MAGI3: variants seen among roughly 807,000 people sequenced by gnomAD.
MAGI3 encodes the protein membrane associated guanylate kinase, WW and PDZ domain containing 3, also known as membrane-associated guanylate kinase, WW and PDZ domain-containing protein 3.
MAGI3 carries 43 observed loss-of-function variants against 121.8 expected under a neutral mutation model. That is an observed-to-expected ratio of 0.35 (90% confidence interval 0.28 to 0.46). MAGI3 has a LOEUF of 0.46. Among genes scored for constraint, MAGI3 ranks in the 20% least tolerant of loss-of-function variants. The probability of loss-of-function intolerance (pLI) is 1.00; values close to 1 mark genes in which losing one functional copy is unlikely to be tolerated. For synonymous variants in MAGI3, 553 were observed against 639.3 expected (o/e 0.86, Z 2.04); for missense variants, 1,547 against 1,797.3 (o/e 0.86, Z 2.52).
rs1391860191 is a variant in MAGI3, at chr1:113,671,725, T to C, written c.2816-9T>C. 6 of 1,613,556 alleles carry C rather than the reference T, an allele frequency of 3.7e-6. No homozygotes were observed. The highest frequency in any genetic ancestry group is 5.1e-6 in the Non-Finnish European group (6 of 1,179,604). On this transcript the variant is annotated splice_polypyrimidine_tract_variant and intron_variant, in intron 16 of 20. Coordinates refer to ENST00000307546, the MANE Select transcript of MAGI3 (RefSeq NM_001142782.2). ...AATTCTTATTTCTATTGTTTTCTCATTTGAACAGAGCATCATGGTCCACCA... is the reference window on the plus strand; with the variant it reads ...AATTCTTATTTCTATTGTTTTCTCACTTGAACAGAGCATCATGGTCCACCA...
chr1:113,446,011 T>G (rs2101471834), intron 1 of MAGI3, among the ~76,000 whole-genome samples: 1 of 152,352 alleles, frequency 6.6e-6, no homozygotes, highest in Admixed American at 6.5e-5. Context: ...CAAGTATTAT[T>G]GTAACAACAG....
chr1:113,559,932 A>C (rs1465888925), intron 2 of MAGI3, among the ~76,000 whole-genome samples: 1 of 152,146 alleles, frequency 6.6e-6, no homozygotes, highest in Non-Finnish European at 1.5e-5. Flanking sequence ...ATCGTAGGAG[A>C]CTTTAACACC....
chr1:113,416,159 TATTATTATGTAATTAATGACACATATTA>T lies in MAGI3; in HGVS notation c.316+24816_316+24843del, dbSNP rs1557743996. 6.9e-5 allele frequency among the ~76,000 whole-genome samples: 7 copies of T among 101,504 alleles called. 1 individual carries two copies. Among genetic ancestry groups the T allele is most frequent in the African/African-American group, 2.2e-4 (7 of 31,278 alleles). The allele number at this position is 101,504 out of a possible 152,430, so 66.6% of individuals were successfully genotyped here. A position where few individuals can be genotyped will look rare whatever the true frequency, so the allele number is the denominator to read the frequency against. The stretch of plus-strand genomic sequence containing the variant: ...TATTAATTATGTAATTAATGACACA[TATTATTATGTAATTAATGACACATATTA>T]ATTATGTAATTAATGACACATATTA... On this transcript the variant is annotated intron_variant, in intron 1 of 20. Coordinates refer to ENST00000307546, the MANE Select transcript of MAGI3 (RefSeq NM_001142782.2).
At chr1:113,423,822 CCCTT>C (rs937525311) in intron 1 of MAGI3, among the ~76,000 whole-genome samples, 2 of 152,072 alleles carry the variant, frequency 1.3e-5, no homozygotes, top group Non-Finnish European at 2.9e-5. Context: ...CCAGGAGCCT[CCCTT>C]CCATGCTTGT....
intron 1 of MAGI3, among the ~76,000 whole-genome samples, chr1:113,455,459 A>G (rs1287184948): frequency 6.6e-6 from 1 of 151,978 alleles, no homozygotes; most frequent in Non-Finnish European, 1.5e-5. Context: ...GATACTTTCA[A>G]CTTGTCTTCC....
rs201876414 is a variant in MAGI3, at chr1:113,683,977, T to C, written c.4409T>C (p.Val1470Ala). ...GPWKVPSGNK[V>A]TGTIGMAEKR... Reference sequence around the variant, plus strand: ...TGGAAGGTTCCAAGTGGAAATAAAGTCACAGGCACTATTGGTATGGCTGAG... The same window carrying C: ...TGGAAGGTTCCAAGTGGAAATAAAGCCACAGGCACTATTGGTATGGCTGAG... The change falls in exon 21 of 21, where the codon GTC becomes GCC. Residue 1470 changes from valine (V) to alanine (A), a missense_variant. By Grantham distance (64) the Val-to-Ala change is moderately conservative. Transcript: ENST00000307546. The C allele has an allele frequency of 6.3e-7, 1 of 1,595,466 alleles. No individual in the cohort carries two copies. The highest frequency in any genetic ancestry group is 8.5e-7 in the Non-Finnish European group (1 of 1,173,366).
intron 1 of MAGI3, among the ~76,000 whole-genome samples, chr1:113,519,935 G>T (rs957058575): frequency 6.6e-6 from 1 of 152,212 alleles, no homozygotes; most frequent in Non-Finnish European, 1.5e-5. Flanking sequence ...GGCTAATCTT[G>T]CAAGGAAGCT....
At chr1:113,447,147 CT>C (rs1654214888) in intron 1 of MAGI3, among the ~76,000 whole-genome samples, 2 of 152,130 alleles carry the variant, frequency 1.3e-5, no homozygotes, top group Non-Finnish European at 2.9e-5. Flanking sequence ...AATATGTTAA[CT>C]TTATGTTATG....
Position 113,673,359 on chromosome 1 carries a change from C to T in MAGI3, c.3083C>T (p.Pro1028Leu). Residue 1028 changes from proline to leucine, a missense_variant, in exon 19 of 21, where the codon CCC (proline) becomes CTC (leucine). By Grantham distance (98) the Pro-to-Leu change is moderately conservative. Coordinates refer to ENST00000307546, the MANE Select transcript of MAGI3 (RefSeq NM_001142782.2). ...TATCCAGTAGAGCTGGAGAGAGGCCCCCGGGGCTTTGGATTCAGCCTCCGA... is the reference window on the plus strand; with the variant it reads ...TATCCAGTAGAGCTGGAGAGAGGCCTCCGGGGCTTTGGATTCAGCCTCCGA... The part of the protein sequence containing the change: ...GCYPVELERG[P>L]RGFGFSLRGG... The T allele has an allele frequency of 1.2e-6, 2 of 1,611,632 alleles. No homozygotes were observed. The highest frequency in any genetic ancestry group is 1.7e-5 in the Admixed American group (1 of 59,440).
intron 16 of MAGI3, among the ~76,000 whole-genome samples, chr1:113,669,261 A>G (rs576799167): frequency 3.3e-5 from 5 of 152,362 alleles, no homozygotes; most frequent in African/African-American, 9.6e-5. Context: ...GGAAGAACTT[A>G]TGGAAATTTC....
chr1:113,638,483 G>A (rs1444068905), intron 9 of MAGI3, among the ~76,000 whole-genome samples: 1 of 152,260 alleles, frequency 6.6e-6, no homozygotes, highest in African/African-American at 2.4e-5. Context: ...GTTGGAGTTT[G>A]CTAGAGGTCC....
intron 1 of MAGI3, among the ~76,000 whole-genome samples, chr1:113,490,983 T>C (rs1188929323): frequency 6.6e-6 from 1 of 152,024 alleles, no homozygotes; most frequent in African/African-American, 2.4e-5. Flanking sequence ...GCCAGAAAAT[T>C]AACAAAGATA....
chr1:113,577,492 GA>G (rs1367315768), intron 2 of MAGI3, among the ~76,000 whole-genome samples: 2 of 151,050 alleles, frequency 1.3e-5, no homozygotes, highest in African/African-American at 4.9e-5. Context: ...GGGGGATGTA[GA>G]AAGCTTTATA....
chr1:113,448,454 C>T (rs1223598194), intron 1 of MAGI3, among the ~76,000 whole-genome samples: 1 of 152,162 alleles, frequency 6.6e-6, no homozygotes, highest in African/African-American at 2.4e-5. Flanking sequence ...GCAGAATTGT[C>T]AGATATTCCG....
At chr1:113,398,144 G>A (rs992880126) in intron 1 of MAGI3, among the ~76,000 whole-genome samples, 2 of 152,044 alleles carry the variant, frequency 1.3e-5, no homozygotes, top group African/African-American at 4.8e-5. Context: ...ACATGGCCAG[G>A]GGAACATAGA....
intron 18 of MAGI3, 85 bp from the exon 19 acceptor site, chr1:113,673,237 C>T (rs1647669629): frequency 6.9e-7 from 1 of 1,459,582 alleles, no homozygotes; most frequent in South Asian, 1.2e-5. Context: ...TAAATCATTT[C>T]TTCCAGCTAT....
intron 9 of MAGI3, among the ~76,000 whole-genome samples, chr1:113,636,286 C>G (rs1652016141): frequency 1.3e-5 from 2 of 152,008 alleles, no homozygotes; most frequent in African/African-American, 4.8e-5. Flanking sequence ...AATGTGTTTG[C>G]TCTTGCTTTT....
intron 1 of MAGI3, among the ~76,000 whole-genome samples, chr1:113,533,698 G>T (rs1658831891): frequency 6.6e-6 from 1 of 151,908 alleles, no homozygotes; most frequent in Admixed American, 6.6e-5. Context: ...CAAGCGAACG[G>T]AATACAGATA....
chr1:113,436,033 T>G (rs1181763980), intron 1 of MAGI3, among the ~76,000 whole-genome samples: 2 of 145,980 alleles, frequency 1.4e-5, no homozygotes, highest in Non-Finnish European at 3.0e-5. Flanking sequence ...TTGAAAAACA[T>G]GAATACAAAC....
Sources: allele counts gnomAD v4.1 joint callset (sites outside exome capture counted in the v4.1 genomes callset), GRCh38; gene constraint gnomAD v4.1.1; transcripts MANE v1.5; gene names NCBI Gene and HGNC (gene_info 2026-07-23, HGNC 2026-07-21).